PARP9: variants seen among roughly 807,000 people sequenced by gnomAD.
PARP9 encodes the protein poly(ADP-ribose) polymerase family member 9.
A neutral mutation model predicts 68.8 loss-of-function variants in PARP9; 48 were observed. That is an observed-to-expected ratio of 0.70 (90% CI 0.55 to 0.89). The LOEUF (loss-of-function observed/expected upper bound fraction) is 0.89, where lower values mean the gene tolerates loss of function less well. PARP9 is among the 40% of genes least tolerant of loss of function. The probability of loss-of-function intolerance (pLI) is 0.00; values close to 1 mark genes in which losing one functional copy is unlikely to be tolerated. For synonymous variants in PARP9, 309 were observed against 333.8 expected (o/e 0.93, Z 0.81); for missense variants, 806 against 969.3 (o/e 0.83, Z 2.24).
At chr3:122,535,951 A>G in intron 10 of PARP9, 1 of 1,441,350 alleles carries the variant, frequency 6.9e-7, no homozygotes, top group Non-Finnish European at 9.1e-7. Flanking sequence ...CTTTTCATCA[A>G]TGTAAAATGC....
intron 10 of PARP9, among the ~76,000 whole-genome samples, chr3:122,529,385 A>G (rs1319592015): frequency 6.6e-6 from 1 of 152,170 alleles, no homozygotes; most frequent in African/African-American, 2.4e-5. Flanking sequence ...AAGAACTTAG[A>G]TTCAAGTCAG....
chr3:122,554,298 C>CCA (rs1490781162), intron 4 of PARP9, among the ~76,000 whole-genome samples: 1 of 152,032 alleles, frequency 6.6e-6, no homozygotes, highest in Non-Finnish European at 1.5e-5. Flanking sequence ...CTTTCTTGGT[C>CCA]CACTATACTC....
In PARP9 at chr3:122,534,439, A is replaced by T. The variant is rs145538292; in HGVS notation, c.2080+1729T>A. The T allele has an allele frequency of 1.4e-3, 1,370 of 985,466 alleles. 2 individuals are homozygous for T. The highest frequency in any genetic ancestry group is 1.7e-3 in the Admixed American group (27 of 16,288). 61.0% of individuals were successfully genotyped at this position (985,466 alleles called of 1,614,324 possible). A position where few individuals can be genotyped will look rare whatever the true frequency, so the allele number is the denominator to read the frequency against. ...GTCCTCTCTATACCTGTTCGGCAGC[A>T]TGTAGATAAGTGGTGTGAGCCAGTG... On this transcript the variant is annotated intron_variant, in intron 10 of 10. Transcript: ENST00000682323.
At position 122,528,231 on chromosome 3, in the gene PARP9, C is replaced by G; in HGVS notation, c.*133G>C. On this transcript the variant is annotated 3_prime_UTR_variant, in exon 11 of 11. Coordinates refer to ENST00000682323, the MANE Select transcript of PARP9 (RefSeq NM_001146105.2). The stretch of plus-strand genomic sequence containing the variant: ...CTAAGATGCTAGTATGTGGCTAGTC[C>G]TTTCAATAACCCAGTCAGTCCATAC... 1 of 1,213,646 alleles carries G rather than the reference C, an allele frequency of 8.2e-7. No homozygotes were observed. Among genetic ancestry groups the G allele is most frequent in the Non-Finnish European group, 1.2e-6 (1 of 867,624 alleles). 75.2% of individuals were successfully genotyped at this position (1,213,646 alleles called of 1,614,324 possible). A position where few individuals can be genotyped will look rare whatever the true frequency, so the allele number is the denominator to read the frequency against.
Position 122,536,294 on chromosome 3 carries a change from T to C in PARP9, c.1954A>G (p.Lys652Glu), listed in dbSNP as rs2077634439. The change falls in exon 10 of 11, where the codon AAG (lysine) becomes GAG (glutamate). Residue 652 changes from lysine to glutamate, a missense_variant. By Grantham distance (56) the Lys-to-Glu change is moderately conservative. Around this residue, in one of 2 missense-constraint regions of PARP9, gnomAD observed 680 missense variants for 858.8 expected, o/e 0.79. Coordinates refer to ENST00000682323, the MANE Select transcript of PARP9 (RefSeq NM_001146105.2). ...TGCAGTTTTTCTTCCATCATTTTCT[T>C]CTTTCTTTGAAAGGCAGCCATAAGG... ...EVLMAAFQRKKKMMEEKLHRQ... is the reference protein window; with the variant it reads ...EVLMAAFQRKEKMMEEKLHRQ... The C allele has an allele frequency of 6.2e-7, 1 of 1,614,116 alleles. No individual in the cohort carries two copies. The highest frequency in any genetic ancestry group is 1.1e-5 in the South Asian group (1 of 91,084).
intron 1 of PARP9, 104 bp downstream of exon 1, chr3:122,564,141 C>A (rs779155264): frequency 4.7e-5 from 22 of 469,466 alleles, no homozygotes; most frequent in Non-Finnish European, 6.0e-5. Flanking sequence ...ACAAGGGAGG[C>A]CTGGCCCTGG....
At chr3:122,544,171 C>A (rs1358209591) in intron 7 of PARP9, among the ~76,000 whole-genome samples, 1 of 152,068 alleles carries the variant, frequency 6.6e-6, no homozygotes, top group Non-Finnish European at 1.5e-5. Context: ...CCCACCCTAC[C>A]CTCTCTGGAC....
In PARP9 at chr3:122,536,175, T is replaced by C; in HGVS notation, c.2073A>G (p.Thr691=). 1 of 1,614,112 alleles carries C rather than the reference T, an allele frequency of 6.2e-7. No individual in the cohort carries two copies. ...CRVGFQRMYS[T]PCDPKYGAGI... ...TGAGGCATTGACACCTACCGCAAGG[T>C]GTCGAGTACATTCTTTGAAAGCCAA... The change falls in exon 10 of 11, where the codon ACA becomes ACG. Residue 691 remains threonine (T), a synonymous_variant. Coordinates refer to ENST00000682323, the MANE Select transcript of PARP9 (RefSeq NM_001146105.2).
intron 5 of PARP9, among the ~76,000 whole-genome samples, chr3:122,551,857 T>C (rs2079228439): frequency 6.6e-6 from 1 of 152,246 alleles, no homozygotes; most frequent in African/African-American, 2.4e-5. Context: ...CTAGTTTCAG[T>C]GTCTATCTGC....
At position 122,558,418 on chromosome 3, in the gene PARP9, A is replaced by G; in HGVS notation, c.49+16T>C. On this transcript the variant is annotated intron_variant, in intron 3 of 10. Coordinates refer to ENST00000682323, the MANE Select transcript of PARP9 (RefSeq NM_001146105.2). ...AAAGACTTTCTGAAACAAGAGTGAG[A>G]GCGAGGTAATCCTACCTGATTTTTC... The G allele has an allele frequency of 6.2e-7, 1 of 1,614,188 alleles. No homozygotes were observed.
intron 1 of PARP9, among the ~76,000 whole-genome samples, chr3:122,562,214 G>A (rs556489751): frequency 2.0e-4 from 28 of 137,640 alleles, no homozygotes; most frequent in African/African-American, 5.9e-4. Context: ...TTTTTGAGAC[G>A]GAGTCTTACT....
intron 1 of PARP9, among the ~76,000 whole-genome samples, chr3:122,562,176 T>TTCTTTTCTTTTCTTG (rs2080272987): frequency 7.4e-6 from 1 of 135,272 alleles, no homozygotes. Flanking sequence ...TTCTTTTCTT[T>TTCTTTTCTTTTCTTG]TCTTTTCTTT....
At chr3:122,557,115 T>A (rs1322650237) in intron 3 of PARP9, among the ~76,000 whole-genome samples, 1 of 152,078 alleles carries the variant, frequency 6.6e-6, no homozygotes, top group Non-Finnish European at 1.5e-5. Flanking sequence ...GTATACCTGT[T>A]ATCAATTGAT....
chr3:122,562,173 C>G (rs1051126134), intron 1 of PARP9, among the ~76,000 whole-genome samples: 53 of 134,278 alleles, frequency 3.9e-4, no homozygotes, highest in Non-Finnish European at 2.5e-4. Flanking sequence ...CTTTTCTTTT[C>G]TTTTCTTTTC....
chr3:122,545,643 C>A, intron 6 of PARP9, 154 bp from the exon 7 acceptor site: 1 of 674,562 alleles, frequency 1.5e-6, no homozygotes, highest in Non-Finnish European at 2.6e-6. Context: ...AGGAAAGTCC[C>A]AGAGAAGAGG....
At position 122,540,773 on chromosome 3, in the gene PARP9, G is replaced by A. The variant is rs2078144007; in HGVS notation, c.1464C>T (p.Asn488=). 2 of 1,613,898 alleles carry A rather than the reference G, an allele frequency of 1.2e-6. No homozygotes were observed. Among genetic ancestry groups the A allele is most frequent in the African/African-American group, 1.3e-5 (1 of 74,888 alleles). Residue 488 remains asparagine (N), a synonymous_variant, in exon 8 of 11, where the codon AAC becomes AAT. Transcript: ENST00000682323. The stretch of plus-strand genomic sequence containing the variant: ...CGTGGGCCTCATACATCTCTTCCAC[G>A]TTGAATCCCATCAGATTGATGGCAG... ...RSPAINLMGF[N]VEEMYEAHAW... is the part of the protein sequence containing the mutation.
In PARP9 at chr3:122,550,727, G is replaced by A; in HGVS notation, c.1183C>T (p.Leu395Phe). The A allele has an allele frequency of 6.2e-7, 1 of 1,614,046 alleles. No individual in the cohort carries two copies. The highest frequency in any genetic ancestry group is 1.1e-5 in the South Asian group (1 of 91,068). Residue 395 changes from leucine to phenylalanine, a missense_variant, in exon 6 of 11, where the codon CTT becomes TTT. Around this residue, in one of 2 missense-constraint regions of PARP9, gnomAD observed 680 missense variants for 858.8 expected, o/e 0.79. Transcript: ENST00000682323. ...QNITSISFPA[L>F]GTGNMEIKKE... ...TTTATTTCCATGTTTCCAGTCCCAA[G>A]GGCAGGAAAGGAAATGGAAGTTATA...
rs756487375 is a variant in PARP9, at chr3:122,552,578, G to C, written c.947C>G (p.Ser316Ter). 1.9e-6 allele frequency: 3 copies of C among 1,614,048 alleles called. No homozygotes were observed. The highest frequency in any genetic ancestry group is 2.5e-6 in the Non-Finnish European group (3 of 1,179,998). ...TTCAACTCCTGCTTGTTGTAGAATT[G>C]ACTTTGCCACAGGTCCAACTGTAAT... Reference protein sequence around the residue: ...HDITVGPVAKSILQQAGVEMK... With the variant: ...HDITVGPVAK Residue 316 changes from serine to a stop codon, truncating the protein, a stop_gained, in exon 5 of 11, where the codon TCA becomes TGA. Coordinates refer to ENST00000682323, the MANE Select transcript of PARP9 (RefSeq NM_001146105.2). LOFTEE classifies it high-confidence loss of function.
At chr3:122,532,017 A>C in intron 10 of PARP9, 1 of 456,086 alleles carries the variant, frequency 2.2e-6, no homozygotes, top group South Asian at 9.2e-5. Flanking sequence ...AACAATGGAA[A>C]TCTCGGAATA....
Sources: allele counts gnomAD v4.1 joint callset (sites outside exome capture counted in the v4.1 genomes callset), GRCh38; gene constraint gnomAD v4.1.1; regional missense constraint gnomAD v4.1.1; transcripts MANE v1.5; gene names NCBI Gene and HGNC (gene_info 2026-07-23, HGNC 2026-07-21).